The following ATF6 variants were observed in gnomAD, a reference collection of about 807,000 sequenced individuals.
The protein encoded by ATF6 is activating transcription factor 6.
In ATF6, 53 loss-of-function variants were observed where a neutral mutation model predicts 83.6. The observed-to-expected ratio is 0.63, with a 90% CI of 0.51 to 0.80. The LOEUF is 0.80. Among genes scored for constraint, ATF6 ranks in the 30% least tolerant of loss-of-function variants. The pLI is 0.00. For missense variants in ATF6, 744 were observed against 797.9 expected (o/e 0.93, Z 0.81); for synonymous variants, 288 against 285.8 (o/e 1.01, Z -0.08).
intron 14 of ATF6, among the ~76,000 whole-genome samples, chr1:161,867,255 A>T (rs1337869778): frequency 6.6e-6 from 1 of 152,070 alleles, no homozygotes; most frequent in Non-Finnish European, 1.5e-5. Context: ...AGATCGCGCC[A>T]CTGCACTCCA....
intron 14 of ATF6, among the ~76,000 whole-genome samples, chr1:161,898,568 GAC>G (rs1350080389): frequency 6.7e-6 from 1 of 150,364 alleles, no homozygotes; most frequent in Non-Finnish European, 1.5e-5. Context: ...TTTTTTTTGA[GAC>G]AGAGTCTCAC....
At chr1:161,882,389 A>G (rs1687339344) in intron 14 of ATF6, among the ~76,000 whole-genome samples, 1 of 152,134 alleles carries the variant, frequency 6.6e-6, no homozygotes, top group Non-Finnish European at 1.5e-5. Context: ...AAAGTGAACA[A>G]AGAACTAAAA....
intron 15 of ATF6, among the ~76,000 whole-genome samples, chr1:161,951,059 C>G (rs2101918573): frequency 6.6e-6 from 1 of 152,252 alleles, no homozygotes; most frequent in Non-Finnish European, 1.5e-5. Flanking sequence ...TGAAATAGTC[C>G]TAGAAGACTA....
At chr1:161,938,650 C>T (rs1365122103) in intron 15 of ATF6, among the ~76,000 whole-genome samples, 1 of 152,056 alleles carries the variant, frequency 6.6e-6, no homozygotes, top group Non-Finnish European at 1.5e-5. Context: ...TTCCATAAAC[C>T]ACTGCTATTT....
intron 12 of ATF6, among the ~76,000 whole-genome samples, chr1:161,856,222 C>T (rs1686756511): frequency 6.6e-6 from 1 of 152,206 alleles, no homozygotes; most frequent in South Asian, 2.1e-4. Context: ...TCTAGGTGAG[C>T]TCAAACTCTG....
At chr1:161,822,637 A>G (rs1685794841) in intron 9 of ATF6, among the ~76,000 whole-genome samples, 2 of 152,242 alleles carry the variant, frequency 1.3e-5, no homozygotes, top group Admixed American at 6.5e-5. Flanking sequence ...TTATAATCTA[A>G]TATAGGTGAC....
chr1:161,776,046 A>G (rs1365673195), intron 1 of ATF6, among the ~76,000 whole-genome samples: 1 of 152,130 alleles, frequency 6.6e-6, no homozygotes, highest in Non-Finnish European at 1.5e-5. Flanking sequence ...GTTCTAATCC[A>G]ACATCTTAGG....
At chr1:161,834,041 G>C in intron 9 of ATF6, among the ~76,000 whole-genome samples, 1 of 152,230 alleles carries the variant, frequency 6.6e-6, no homozygotes, top group East Asian at 1.9e-4. Flanking sequence ...AAGTCCATCA[G>C]ACTAACAGCT....
At chr1:161,904,435 A>G (rs556441886) in intron 14 of ATF6, among the ~76,000 whole-genome samples, 1 of 152,196 alleles carries the variant, frequency 6.6e-6, no homozygotes, top group South Asian at 2.1e-4. Flanking sequence ...TAAAAATACA[A>G]AAATTAGCTG....
chr1:161,854,368 G>C (rs943268397), intron 12 of ATF6, among the ~76,000 whole-genome samples: 6 of 152,220 alleles, frequency 3.9e-5, no homozygotes, highest in African/African-American at 1.4e-4. Flanking sequence ...TGTTAGGGAA[G>C]AAAGAGTTTG....
intron 15 of ATF6, among the ~76,000 whole-genome samples, chr1:161,948,662 C>G (rs1464571784): frequency 6.6e-6 from 1 of 152,186 alleles, no homozygotes; most frequent in Non-Finnish European, 1.5e-5. Flanking sequence ...TTCACGATCT[C>G]AGATTCTCAA....
chr1:161,785,975 C>CT (rs568394977), intron 4 of ATF6, among the ~76,000 whole-genome samples: 16,300 of 142,096 alleles, frequency 0.11, 1,833 homozygotes, highest in African/African-American at 0.29. Context: ...AATTTTTGTT[C>CT]TTTTTTTTTT....
intron 14 of ATF6, among the ~76,000 whole-genome samples, chr1:161,901,085 A>G (rs757087590): frequency 2.2e-4 from 34 of 152,156 alleles, no homozygotes; most frequent in Admixed American, 3.9e-4. Context: ...ATAATAAAGC[A>G]GATATTTCTG....
chr1:161,855,582 G>C (rs532184416), intron 12 of ATF6, among the ~76,000 whole-genome samples: 19 of 152,296 alleles, frequency 1.2e-4, no homozygotes, highest in African/African-American at 4.6e-4. Context: ...GAGAAATAAA[G>C]AGGAAAGAAA....
rs11327880 is a variant in ATF6 at position 161,909,703 on chromosome 1, TC to T, written c.1720-2590del. On this transcript the variant is annotated intron_variant, in intron 14 of 15. Transcript: ENST00000367942. ...CGGTCACAGAGGCTCACACCTGTAA[TC>T]CCAGCACTTTGGGAGGCCGAGGCGG... Among the ~76,000 whole-genome samples the T allele has an allele frequency of 3.8e-3, 576 of 152,250 alleles. 6 individuals are homozygous for T. The highest frequency in any genetic ancestry group is 0.013 in the African/African-American group (531 of 41,526).
At position 161,912,465 on chromosome 1, in the gene ATF6, T is replaced by C. The variant is rs556382212; in HGVS notation, c.1804+85T>C. The C allele has an allele frequency of 8.0e-5, 70 of 870,278 alleles. 2 individuals carry two copies. The South Asian group carries it at 1.3e-3, about 16-fold the overall frequency. 53.9% of individuals were successfully genotyped at this position (870,278 alleles called of 1,614,324 possible). A position where few individuals can be genotyped will look rare whatever the true frequency, so the allele number is the denominator to read the frequency against. ...TTCATTAGTTCAAAGACATTTAAAATGTTCAGTTAAATGAGTATATATCCG... is the reference window on the plus strand; with the variant it reads ...TTCATTAGTTCAAAGACATTTAAAACGTTCAGTTAAATGAGTATATATCCG... On this transcript the variant is annotated intron_variant, in intron 15 of 15. Transcript: ENST00000367942.
chr1:161,952,972 G>A (rs1379900026), intron 15 of ATF6, among the ~76,000 whole-genome samples: 1 of 152,174 alleles, frequency 6.6e-6, no homozygotes, highest in African/African-American at 2.4e-5. Context: ...TGCCAGCTGA[G>A]TGGCTAGTCA....
intron 9 of ATF6, among the ~76,000 whole-genome samples, chr1:161,836,211 A>C (rs1288934952): frequency 6.6e-6 from 1 of 152,186 alleles, no homozygotes; most frequent in East Asian, 1.9e-4. Context: ...TTATAGGAAG[A>C]ATTCTAGCTT....
At chr1:161,925,865 A>G (rs1688301379) in intron 15 of ATF6, among the ~76,000 whole-genome samples, 1 of 152,232 alleles carries the variant, frequency 6.6e-6, no homozygotes, top group African/African-American at 2.4e-5. Flanking sequence ...TGAATGAGGC[A>G]TTCTGAGCAT....
Sources: gnomAD v4.1 joint callset for allele counts (sites outside exome capture counted in the v4.1 genomes callset) on GRCh38, gnomAD v4.1.1 for gene constraint, MANE v1.5 for transcripts, NCBI Gene and HGNC (gene_info 2026-07-23, HGNC 2026-07-21) for gene names.